The following XPO5 variants were observed in gnomAD, a reference collection of about 807,000 sequenced individuals.
XPO5 encodes the protein exportin-5.
Under a neutral mutation model 160.6 loss-of-function variants are expected in XPO5, and 46 were observed. That is an observed-to-expected ratio of 0.29 (90% CI 0.23 to 0.37). The LOEUF (loss-of-function observed/expected upper bound fraction) is 0.37. XPO5 is among the 10% of genes least tolerant of loss of function. XPO5 has a pLI of 1.00. For synonymous variants in XPO5, 537 were observed against 519.3 expected (o/e 1.03, Z -0.46); for missense variants, 1,090 against 1,463.9 (o/e 0.74, Z 4.17).
At chr6:43,553,904 T>A (rs1761870311) in intron 13 of XPO5, among the ~76,000 whole-genome samples, 1 of 152,110 alleles carries the variant, frequency 6.6e-6, no homozygotes, top group South Asian at 2.1e-4. Flanking sequence ...TCCATGAGAA[T>A]CTAAATAATT....
At chr6:43,525,007 C>G (rs780492030) in intron 29 of XPO5, 39 bp from the exon 30 acceptor site, 1 of 1,604,254 alleles carries the variant, frequency 6.2e-7, no homozygotes, top group African/African-American at 1.3e-5. Flanking sequence ...CAGGGGGCCT[C>G]TCTCAAGGCC....
At chr6:43,561,610 C>G (rs1762422054) in intron 9 of XPO5, 1 of 152,990 alleles carries the variant, frequency 6.5e-6, no homozygotes, top group Non-Finnish European at 1.5e-5. Context: ...AACTCTTGAC[C>G]TCAGGTGATC....
At chr6:43,554,587 G>T (rs1202630553) in intron 13 of XPO5, among the ~76,000 whole-genome samples, 2 of 150,980 alleles carry the variant, frequency 1.3e-5, no homozygotes, top group Non-Finnish European at 2.9e-5. Context: ...ACCACGCCTG[G>T]CTAATTTTTT....
chr6:43,525,021 G>C, intron 29 of XPO5, 53 bp from the exon 30 acceptor site: 1 of 1,597,780 alleles, frequency 6.3e-7, no homozygotes. Context: ...CAAGGCCTCA[G>C]CACCCCAGTT....
chr6:43,545,169 C>A (rs574029154), intron 20 of XPO5, among the ~76,000 whole-genome samples: 1 of 151,968 alleles, frequency 6.6e-6, no homozygotes, highest in African/African-American at 2.4e-5. Flanking sequence ...CACCACACCC[C>A]GCCAAAATAT....
chr6:43,524,812 C>T lies in XPO5; in HGVS notation c.3312+19G>A, dbSNP rs1406225911. ...TGATGAAGCTGCAGCCATCCTTCCC[C>T]CATGCCTTCCCCACTCACCAGTGCC... On this transcript the variant is annotated intron_variant, in intron 30 of 31. Coordinates refer to ENST00000265351, the MANE Select transcript of XPO5 (RefSeq NM_020750.3). The T allele has an allele frequency of 3.1e-6, 5 of 1,611,934 alleles. No homozygotes were observed. Among genetic ancestry groups the T allele is most frequent in the South Asian group, 2.2e-5 (2 of 90,996 alleles).
In XPO5 at chr6:43,522,518, C is replaced by G. The variant is rs1793252270; in HGVS notation, c.*1350G>C. ...CAACCAGACAGGAATAGGCAGCTAT[C>G]AGGTTTGGAGGGAAACACTCTTGAG... On this transcript the variant is annotated 3_prime_UTR_variant, in exon 32 of 32. Coordinates refer to ENST00000265351, the MANE Select transcript of XPO5 (RefSeq NM_020750.3). 1 of 223,180 alleles carries G rather than the reference C, an allele frequency of 4.5e-6. No individual in the cohort carries two copies. Among genetic ancestry groups the G allele is most frequent in the South Asian group, 4.6e-5 (1 of 21,558 alleles). 13.8% of individuals were successfully genotyped at this position (223,180 alleles called of 1,614,324 possible).
chr6:43,533,753 T>G (rs541013651), intron 21 of XPO5, 154 bp downstream of exon 21: 1 of 428,172 alleles, frequency 2.3e-6, no homozygotes. Context: ...GAAGACTGCT[T>G]GAGTCCAAGA....
intron 20 of XPO5, among the ~76,000 whole-genome samples, chr6:43,534,717 G>A (rs1794207171): frequency 6.6e-6 from 1 of 152,172 alleles, no homozygotes; most frequent in Non-Finnish European, 1.5e-5. Context: ...GTCATTCTAG[G>A]CTGGGCTCGG....
chr6:43,523,140 C>CGTATCATTAA lies in XPO5; in HGVS notation c.*727_*728insTTAATGATAC. The CGTATCATTAA allele has an allele frequency of 6.0e-6, 1 of 165,348 alleles. No individual in the cohort carries two copies. Among genetic ancestry groups the CGTATCATTAA allele is most frequent in the Non-Finnish European group, 1.3e-5 (1 of 74,834 alleles). The allele number at this position is 165,348 out of a possible 1,614,324, so 10.2% of individuals were successfully genotyped here. Reference sequence around the variant, plus strand: ...GAGTGGACCTTGAGGCTGGGGAGGCCAGACTGAGGGGTCATTCATGGAAGG... The same window carrying CGTATCATTAA: ...GAGTGGACCTTGAGGCTGGGGAGGCCGTATCATTAAAGACTGAGGGGTCATTCATGGAAGG... On this transcript the variant is annotated 3_prime_UTR_variant, in exon 32 of 32. Transcript: ENST00000265351.
chr6:43,560,829 A>C, intron 10 of XPO5, 95 bp downstream of exon 10: 1 of 1,082,306 alleles, frequency 9.2e-7, no homozygotes, highest in Non-Finnish European at 1.4e-6. Flanking sequence ...GAAGAGTCAC[A>C]TTTTATACAT....
At chr6:43,545,078 G>A (rs1001268679) in intron 20 of XPO5, among the ~76,000 whole-genome samples, 4 of 151,840 alleles carry the variant, frequency 2.6e-5, no homozygotes, top group African/African-American at 9.7e-5. Flanking sequence ...TCATCATGTT[G>A]GCCAGGCTGG....
At chr6:43,565,568 T>TAAA in intron 8 of XPO5, 92 bp downstream of exon 8, 8 of 982,674 alleles carry the variant, frequency 8.1e-6, no homozygotes, top group East Asian at 6.8e-5. Context: ...CATCTCAAAA[T>TAAA]AAAAAAAAAA....
chr6:43,549,253 C>T (rs1037243713), intron 17 of XPO5, among the ~76,000 whole-genome samples: 14 of 151,982 alleles, frequency 9.2e-5, no homozygotes, highest in African/African-American at 2.4e-4. Flanking sequence ...TAGTAGAGAC[C>T]GGACTTCACC....
chr6:43,530,262 A>C (rs1248013229), intron 23 of XPO5, among the ~76,000 whole-genome samples: 2 of 152,060 alleles, frequency 1.3e-5, no homozygotes, highest in African/African-American at 4.8e-5. Context: ...GTCTCAAAAA[A>C]TAGGAATAAA....
At chr6:43,531,432 A>G in intron 22 of XPO5, 47 bp downstream of exon 22, 4 of 1,546,804 alleles carry the variant, frequency 2.6e-6, no homozygotes, top group Non-Finnish European at 3.6e-6. Context: ...TTCCTATACA[A>G]TACATATCGA....
chr6:43,543,858 G>T, intron 20 of XPO5, among the ~76,000 whole-genome samples: 1 of 151,994 alleles, frequency 6.6e-6, no homozygotes, highest in South Asian at 2.1e-4. Context: ...TGTATTTTTA[G>T]TAGAGGTGGG....
At chr6:43,551,225 C>G (rs1325975686) in intron 15 of XPO5, 73 bp downstream of exon 15, 1 of 1,417,572 alleles carries the variant, frequency 7.1e-7, no homozygotes, top group Non-Finnish European at 9.3e-7. Context: ...ATCCTGTCTC[C>G]AAAAAAATAA....
intron 12 of XPO5, among the ~76,000 whole-genome samples, chr6:43,558,151 G>C (rs1180223720): frequency 4.6e-5 from 7 of 151,584 alleles, no homozygotes; most frequent in East Asian, 3.9e-4. Flanking sequence ...AACAGAACTA[G>C]AATATTAGAA....
Sources: gnomAD v4.1 joint callset for allele counts (sites outside exome capture counted in the v4.1 genomes callset) on GRCh38, gnomAD v4.1.1 for gene constraint, MANE v1.5 for transcripts, NCBI Gene and HGNC (gene_info 2026-07-23, HGNC 2026-07-21) for gene names.